SGMS1: variants seen among roughly 807,000 people sequenced by gnomAD.
SGMS1 encodes sphingomyelin synthase 1.
A neutral mutation model predicts 46.2 loss-of-function variants in SGMS1; 13 were observed. The observed-to-expected ratio is 0.28, with a 90% CI of 0.18 to 0.45. The LOEUF is 0.45. Ranked by LOEUF, SGMS1 falls within the 20% of genes least tolerant of loss-of-function variation. The probability of loss-of-function intolerance (pLI) is 1.00; values close to 1 mark genes in which losing one functional copy is unlikely to be tolerated. For missense variants in SGMS1, 324 were observed against 519.9 expected (o/e 0.62, Z 3.66); for synonymous variants, 203 against 187.8 (o/e 1.08, Z -0.66).
chr10:50,589,504 C>G (rs1256930187), intron 2 of SGMS1, among the ~76,000 whole-genome samples: 4 of 152,168 alleles, frequency 2.6e-5, no homozygotes, highest in Admixed American at 6.5e-5. Flanking sequence ...AGGGTCTTGT[C>G]TGTCACCCAG....
At chr10:50,490,382 T>C (rs1469071516) in intron 3 of SGMS1, among the ~76,000 whole-genome samples, 1 of 152,126 alleles carries the variant, frequency 6.6e-6, no homozygotes, top group African/African-American at 2.4e-5. Flanking sequence ...GGAGAAGGCA[T>C]TAGAACTATG....
At chr10:50,543,504 T>C (rs1022213574) in intron 2 of SGMS1, among the ~76,000 whole-genome samples, 22 of 152,180 alleles carry the variant, frequency 1.4e-4, no homozygotes, top group African/African-American at 5.1e-4. Context: ...ATCATACTGA[T>C]TGTCAGGAAA....
chr10:50,580,706 A>G (rs1838425310), intron 2 of SGMS1, among the ~76,000 whole-genome samples: 1 of 152,194 alleles, frequency 6.6e-6, no homozygotes, highest in South Asian at 2.1e-4. Context: ...TATGCGAAGT[A>G]GTCAAGTTCA....
intron 5 of SGMS1, among the ~76,000 whole-genome samples, chr10:50,446,769 CAA>C (rs930832781): frequency 7.2e-5 from 11 of 152,166 alleles, no homozygotes; most frequent in African/African-American, 2.2e-4. Context: ...AAAGTGGACA[CAA>C]GAGAACTTTT....
At chr10:50,317,303 G>A (rs1289428014) in intron 8 of SGMS1, among the ~76,000 whole-genome samples, 2 of 152,190 alleles carry the variant, frequency 1.3e-5, no homozygotes, top group Non-Finnish European at 2.9e-5. Context: ...GACTTACAGG[G>A]TAGTTTTACA....
chr10:50,390,508 G>A (rs372312670), intron 6 of SGMS1, among the ~76,000 whole-genome samples: 1 of 152,180 alleles, frequency 6.6e-6, no homozygotes, highest in Admixed American at 6.5e-5. Flanking sequence ...GCACACACCT[G>A]TAGTCTGTAG....
At chr10:50,401,066 G>C (rs1252727063) in intron 6 of SGMS1, among the ~76,000 whole-genome samples, 2 of 152,162 alleles carry the variant, frequency 1.3e-5, no homozygotes, top group East Asian at 3.8e-4. Context: ...GCCTCATCTT[G>C]AGACATACGA....
At chr10:50,448,699 G>C (rs1238655100) in intron 5 of SGMS1, among the ~76,000 whole-genome samples, 1 of 140,682 alleles carries the variant, frequency 7.1e-6, no homozygotes, top group Non-Finnish European at 1.5e-5. Context: ...AGCCAACATG[G>C]TGCCATTGTA....
intron 1 of SGMS1, among the ~76,000 whole-genome samples, chr10:50,611,161 T>A (rs1838745911): frequency 6.6e-6 from 1 of 152,136 alleles, no homozygotes; most frequent in Non-Finnish European, 1.5e-5. Context: ...TCACTTATGG[T>A]CCATCTAGTC....
intron 4 of SGMS1, among the ~76,000 whole-genome samples, chr10:50,466,467 G>A (rs1837330697): frequency 2.0e-5 from 3 of 152,108 alleles, no homozygotes; most frequent in African/African-American, 4.8e-5. Context: ...ATGATTACTT[G>A]TGGCTTGGGA....
At chr10:50,346,433 G>A (rs1036092855) in intron 6 of SGMS1, among the ~76,000 whole-genome samples, 1 of 152,062 alleles carries the variant, frequency 6.6e-6, no homozygotes, top group Non-Finnish European at 1.5e-5. Flanking sequence ...AGATTTAAGG[G>A]CTTGAAATGC....
chr10:50,555,474 A>G (rs573757419), intron 2 of SGMS1, among the ~76,000 whole-genome samples: 78 of 152,346 alleles, frequency 5.1e-4, no homozygotes, highest in Middle Eastern at 3.4e-3. Flanking sequence ...GATTCCAATT[A>G]CAGGGCTTCA....
intron 2 of SGMS1, among the ~76,000 whole-genome samples, chr10:50,564,644 C>A (rs1564433236): frequency 6.6e-6 from 1 of 151,938 alleles, no homozygotes; most frequent in African/African-American, 2.4e-5. Context: ...AAAGAACATT[C>A]AAAAAATGAG....
intron 6 of SGMS1, among the ~76,000 whole-genome samples, chr10:50,387,990 G>C (rs1487665760): frequency 2.0e-5 from 3 of 152,158 alleles, no homozygotes; most frequent in Non-Finnish European, 4.4e-5. Context: ...GTTTACACCT[G>C]CATTTAGGTA....
upstream of SGMS1, chr10:50,624,967 T>G (rs116350716): frequency 8.7e-6 from 9 of 1,037,012 alleles, no homozygotes; most frequent in Non-Finnish European, 1.1e-5. Flanking sequence ...CGCCCGGCCA[T>G]CGGGCCGCGG....
intron 2 of SGMS1, among the ~76,000 whole-genome samples, chr10:50,528,442 C>A (rs908306052): frequency 6.6e-6 from 1 of 152,190 alleles, no homozygotes; most frequent in African/African-American, 2.4e-5. Flanking sequence ...CCAGGTCACA[C>A]TATCAATACA....
At chr10:50,542,173 C>CTG (rs541674980) in intron 2 of SGMS1, among the ~76,000 whole-genome samples, 33 of 152,294 alleles carry the variant, frequency 2.2e-4, no homozygotes, top group South Asian at 1.5e-3. Context: ...CAGTCACACT[C>CTG]TGTGACTCCC....
intron 7 of SGMS1, among the ~76,000 whole-genome samples, chr10:50,338,126 G>T (rs76705833): frequency 0.012 from 1,805 of 152,146 alleles, 26 homozygotes; most frequent in African/African-American, 0.034. Context: ...CTTTTGGCAT[G>T]GGATCAATTT....
chr10:50,496,497 G>A (rs1158305927), intron 3 of SGMS1, among the ~76,000 whole-genome samples: 5 of 152,056 alleles, frequency 3.3e-5, no homozygotes, highest in Non-Finnish European at 7.4e-5. Flanking sequence ...GAAAAGCAAC[G>A]AGGCACACAG....
Sources: gnomAD v4.1 joint callset for allele counts (sites outside exome capture counted in the v4.1 genomes callset) on GRCh38, gnomAD v4.1.1 for gene constraint, MANE v1.5 for transcripts, NCBI Gene and HGNC (gene_info 2026-07-23, HGNC 2026-07-21) for gene names.